SELPLG: variants seen among roughly 807,000 people sequenced by gnomAD.
The protein encoded by SELPLG is P-selectin glycoprotein ligand 1.
In SELPLG, 2 loss-of-function variants were observed where a neutral mutation model predicts 1.1. The ratio of observed to expected loss-of-function variants is 1.82; its 90% CI spans 0.74 to 5.71. The LOEUF is 5.71. Ranked by LOEUF, SELPLG falls within the 30% of genes most tolerant of loss-of-function variation. The pLI, the probability that SELPLG is intolerant of heterozygous loss-of-function variation, is 0.05. For synonymous variants in SELPLG, 230 were observed against 221.2 expected (o/e 1.04, Z -0.35); for missense variants, 478 against 524.7 (o/e 0.91, Z 0.87).
At chr12:108,630,921 T>C (rs950416737) in intron 1 of SELPLG, among the ~76,000 whole-genome samples, 4 of 152,236 alleles carry the variant, frequency 2.6e-5, no homozygotes, top group Admixed American at 2.6e-4. Context: ...ATTCAGCCGA[T>C]GGGCAGGCAC....
chr12:108,623,988 GC>G lies in SELPLG; in HGVS notation c.319del (p.Ala107ProfsTer50). Reference sequence around the variant, plus strand: ...ATCCGTGGACAGGTTCCCCATGTTGGCCAGCTCCGTGGTCAGCTCTGTGACT... The same window carrying G: ...ATCCGTGGACAGGTTCCCCATGTTGGCAGCTCCGTGGTCAGCTCTGTGACT... Reference protein sequence around the residue: ...GAVTELTTELANMGNLSTDSA... With the variant: ...GAVTELTTELXNMGNLSTDSA... On this transcript the variant is annotated frameshift_variant, in exon 2 of 2. Transcript: ENST00000550948. LOFTEE classifies it low-confidence loss of function (END_TRUNC). 1 of 1,614,192 alleles carries G rather than the reference GC, an allele frequency of 6.2e-7. No homozygotes were observed.
At chr12:108,627,141 G>C (rs777089984) in intron 1 of SELPLG, among the ~76,000 whole-genome samples, 2 of 152,142 alleles carry the variant, frequency 1.3e-5, no homozygotes, top group South Asian at 4.1e-4. Context: ...CAAACTTTAC[G>C]ATATTTGCAC....
intron 1 of SELPLG, among the ~76,000 whole-genome samples, chr12:108,630,780 C>T (rs772590044): frequency 6.6e-6 from 1 of 152,186 alleles, no homozygotes; most frequent in East Asian, 1.9e-4. Flanking sequence ...GCCCCAGGCA[C>T]GATTAGTCAC....
In SELPLG at chr12:108,623,999, G is replaced by A; in HGVS notation, c.309C>T (p.Thr103=). The A allele has an allele frequency of 6.2e-7, 1 of 1,614,182 alleles. No homozygotes were observed. The change falls in exon 2 of 2, where the codon ACC becomes ACT. Residue 103 remains threonine (T), a synonymous_variant. Transcript: ENST00000550948. The stretch of plus-strand genomic sequence containing the variant: ...GGTTCCCCATGTTGGCCAGCTCCGT[G>A]GTCAGCTCTGTGACTGCCCCTCCTG... ...LDAGGAVTEL[T]TELANMGNLS... is the part of the protein sequence containing the mutation.
intron 1 of SELPLG, among the ~76,000 whole-genome samples, chr12:108,632,428 GAA>G (rs140108766): frequency 3.9e-4 from 53 of 136,188 alleles, no homozygotes; most frequent in African/African-American, 1.6e-3. Flanking sequence ...GTGTGTGTGT[GAA>G]TGTGTGTACA....
chr12:108,627,597 C>G (rs1271251050), intron 1 of SELPLG, among the ~76,000 whole-genome samples: 1 of 152,196 alleles, frequency 6.6e-6, no homozygotes, highest in South Asian at 2.1e-4. Flanking sequence ...AGAAACAGTG[C>G]CCATCTCACA....
intron 1 of SELPLG, among the ~76,000 whole-genome samples, chr12:108,627,332 GA>G: frequency 6.6e-6 from 1 of 152,306 alleles, no homozygotes; most frequent in South Asian, 2.1e-4. Context: ...TGAGGAGACA[GA>G]AGGCTGGGCT....
rs781100697 is a variant in SELPLG at position 108,623,183 on chromosome 12, C to T, written c.1125G>A (p.Gly375=). 1 of 1,613,646 alleles carries T rather than the reference C, an allele frequency of 6.2e-7. No individual in the cohort carries two copies. The highest frequency in any genetic ancestry group is 8.5e-7 in the Non-Finnish European group (1 of 1,179,810). The change falls in exon 2 of 2, where the codon GGG becomes GGA. Residue 375 remains glycine (G), a synonymous_variant. Coordinates refer to ENST00000550948, the MANE Select transcript of SELPLG (RefSeq NM_003006.4). ...GGCCCCCATTGGCTGTGGCAGAGGG[C>T]CCCTCACCCCCATCAGGCAACAGGG... The part of the protein sequence containing the change: ...ISSLLPDGGE[G]PSATANGGLS...
At chr12:108,630,906 C>A (rs1195668485) in intron 1 of SELPLG, among the ~76,000 whole-genome samples, 1 of 152,194 alleles carries the variant, frequency 6.6e-6, no homozygotes, top group Non-Finnish European at 1.5e-5. Context: ...GGCCACAGGC[C>A]CAGGATTCAG....
At chr12:108,629,303 G>A (rs1390635925) in intron 1 of SELPLG, among the ~76,000 whole-genome samples, 2 of 152,224 alleles carry the variant, frequency 1.3e-5, no homozygotes, top group Non-Finnish European at 2.9e-5. Flanking sequence ...CAAACTGGGG[G>A]TGGGGGGTTG....
At position 108,623,437 on chromosome 12, in the gene SELPLG, C is replaced by G. The variant is rs755983316; in HGVS notation, c.871G>C (p.Val291Leu). 3.1e-6 allele frequency: 5 copies of G among 1,614,250 alleles called. No individual in the cohort carries two copies. The highest frequency in any genetic ancestry group is 4.2e-6 in the Non-Finnish European group (5 of 1,180,044). Residue 291 changes from valine (V) to leucine (L), a missense_variant, in exon 2 of 2, where the codon GTT (valine) becomes CTT (leucine). Transcript: ENST00000550948. Reference sequence around the variant, plus strand: ...GCCATGGGAATGCCCTTGTGAGTAACAGAGGACACAGAAAAGGGTATGAAC... The same window carrying G: ...GCCATGGGAATGCCCTTGTGAGTAAGAGAGGACACAGAAAAGGGTATGAAC... The part of the protein sequence containing the change: ...GLFIPFSVSS[V>L]THKGIPMAAS...
In SELPLG at chr12:108,622,862, G is replaced by A. The variant is rs2031846418; in HGVS notation, c.*207C>T. On this transcript the variant is annotated 3_prime_UTR_variant, in exon 2 of 2. Coordinates refer to ENST00000550948, the MANE Select transcript of SELPLG (RefSeq NM_003006.4). ...ATGTGGCTGGGCTTCATCCGCGGAG[G>A]GAGGAAAGAGGTGGCTCCACTTGCC... The A allele has an allele frequency of 2.0e-6, 1 of 504,064 alleles. No individual in the cohort carries two copies. The highest frequency in any genetic ancestry group is 3.4e-6 in the Non-Finnish European group (1 of 291,534). 31.2% of individuals were successfully genotyped at this position (504,064 alleles called of 1,614,324 possible). A position where few individuals can be genotyped will look rare whatever the true frequency, so the allele number is the denominator to read the frequency against.
intron 1 of SELPLG, chr12:108,632,043 G>A: frequency 1.1e-6 from 1 of 912,044 alleles, no homozygotes; most frequent in South Asian, 1.5e-5. Context: ...ATCTGTAAAA[G>A]GGGCACTGTC....
At chr12:108,629,488 A>G (rs2032004999) in intron 1 of SELPLG, among the ~76,000 whole-genome samples, 1 of 152,214 alleles carries the variant, frequency 6.6e-6, no homozygotes, top group Non-Finnish European at 1.5e-5. Flanking sequence ...AGGCAGGAGG[A>G]TGACTTGAAG....
intron 1 of SELPLG, among the ~76,000 whole-genome samples, chr12:108,625,812 T>C (rs1173376615): frequency 6.6e-6 from 1 of 152,220 alleles, no homozygotes; most frequent in Non-Finnish European, 1.5e-5. Flanking sequence ...GAATTAAAAA[T>C]TCTATGCTGA....
Position 108,624,086 on chromosome 12 carries a change from C to T in SELPLG, c.222G>A (p.Gly74=), listed in dbSNP as rs778001582. Residue 74 remains glycine, a synonymous_variant, in exon 2 of 2, where the codon GGG becomes GGA. Coordinates refer to ENST00000550948, the MANE Select transcript of SELPLG (RefSeq NM_003006.4). The stretch of plus-strand genomic sequence containing the variant: ...CAGTGGTAGACTCAGGGGTTCCAGG[C>T]CCAGTCAGAGGAGTGGTGTCAGTGC... ...RNSTDTTPLT[G]PGTPESTTVE... is the part of the protein sequence containing the mutation. 2 of 1,614,228 alleles carry T rather than the reference C, an allele frequency of 1.2e-6. No individual in the cohort carries two copies. Among genetic ancestry groups the T allele is most frequent in the South Asian group, 2.2e-5 (2 of 91,086 alleles).
rs1373270875 is a variant in SELPLG, at chr12:108,622,888, C to T, written c.*181G>A. On this transcript the variant is annotated 3_prime_UTR_variant, in exon 2 of 2. Transcript: ENST00000550948. ...GAGGAAAGAGGTGGCTCCACTTGCC[C>T]GTCTGCTTGGCCCCAGGCTGCTCTT... The T allele has an allele frequency of 7.2e-6, 4 of 558,722 alleles. No individual in the cohort carries two copies. The highest frequency in any genetic ancestry group is 3.8e-5 in the South Asian group (1 of 26,284). 34.6% of individuals were successfully genotyped at this position (558,722 alleles called of 1,614,324 possible).
rs2031849756 is a variant in SELPLG at position 108,623,052 on chromosome 12, A to C, written c.*17T>G. 1 of 1,473,866 alleles carries C rather than the reference A, an allele frequency of 6.8e-7. No individual in the cohort carries two copies. Among genetic ancestry groups the C allele is most frequent in the Admixed American group, 2.7e-5 (1 of 36,558 alleles). 91.3% of individuals were successfully genotyped at this position (1,473,866 alleles called of 1,614,324 possible). On this transcript the variant is annotated 3_prime_UTR_variant, in exon 2 of 2. Transcript: ENST00000550948. The stretch of plus-strand genomic sequence containing the variant: ...CCCGTGGAGGTGGGGTCTTGCCAAA[A>C]CAGATGGCAGAGTGAGCTAAGGGAG...
chr12:108,632,930 A>T (rs1038494837), intron 1 of SELPLG, among the ~76,000 whole-genome samples: 3 of 152,180 alleles, frequency 2.0e-5, no homozygotes, highest in African/African-American at 7.2e-5. Flanking sequence ...GTCTTATAAA[A>T]AGTGGGAAGA....
Sources: allele counts gnomAD v4.1 joint callset (sites outside exome capture counted in the v4.1 genomes callset), GRCh38; gene constraint gnomAD v4.1.1; transcripts MANE v1.5; gene names NCBI Gene and HGNC (gene_info 2026-07-23, HGNC 2026-07-21).